Variants in ABCC9 observed in about 807,000 individuals in gnomAD.
ABCC9 encodes the protein ATP binding cassette subfamily C member 9, also known as ATP-binding cassette sub-family C member 9.
Under a neutral mutation model 188.3 loss-of-function variants are expected in ABCC9, and 95 were observed. The ratio of observed to expected loss-of-function variants is 0.50; its 90% confidence interval spans 0.43 to 0.60. The LOEUF (loss-of-function observed/expected upper bound fraction) is 0.60. Ranked by LOEUF, ABCC9 falls within the 20% of genes least tolerant of loss-of-function variation. ABCC9 has a pLI of 0.00. For missense variants in ABCC9, 1,102 were observed against 1,876.3 expected, an observed-to-expected ratio of 0.59 and a Z score of 7.62; for synonymous variants, 659 against 652.7, an observed-to-expected ratio of 1.01 and a Z score of -0.15.
At chr12:21,892,026 A>G (rs970500997) in intron 14 of ABCC9, among the ~76,000 whole-genome samples, 1 of 152,190 alleles carries the variant, frequency 6.6e-6, no homozygotes, top group Non-Finnish European at 1.5e-5. Flanking sequence ...ACTGAAACTC[A>G]TTTGAGAGAA....
intron 14 of ABCC9, among the ~76,000 whole-genome samples, chr12:21,891,500 A>C (rs1947158449): frequency 2.0e-5 from 3 of 152,174 alleles, no homozygotes; most frequent in Non-Finnish European, 2.9e-5. Context: ...CACCTGCCTC[A>C]TTCTTCCATT....
chr12:21,859,722 G>A, intron 21 of ABCC9, 56 bp from the exon 22 acceptor site: 3 of 1,423,182 alleles, frequency 2.1e-6, no homozygotes, highest in Non-Finnish European at 3.0e-6. Flanking sequence ...ATGATCTTTT[G>A]GTAATATGAC....
At chr12:21,805,238 G>A (rs1161427999) in intron 39 of ABCC9, 8 of 1,613,948 alleles carry the variant, frequency 5.0e-6, no homozygotes, top group Non-Finnish European at 6.8e-6. Flanking sequence ...ATTTGGGACA[G>A]TATCACACTC....
At position 21,894,130 on chromosome 12, in the gene ABCC9, A is replaced by G. The variant is rs1317064787; in HGVS notation, c.1704T>C (p.Pro568=). 5.0e-6 allele frequency: 8 copies of G among 1,614,020 alleles called. No individual in the cohort carries two copies. The highest frequency in any genetic ancestry group is 6.8e-6 in the Non-Finnish European group (8 of 1,180,018). Residue 568 remains proline, a synonymous_variant, in exon 14 of 40, where the codon CCT becomes CCC. Coordinates refer to ENST00000261200, the MANE Select transcript of ABCC9 (RefSeq NM_020297.4). ...GAGACAGTGAAGCAAAGGCCTCTGC[A>G]GGTTTCAGATTGTTTCCACTGGCAT... is the stretch of plus-strand genomic sequence containing the variant. ...HAYASGNNLK[P]AEAFASLSLF...
At chr12:21,805,880 G>T in intron 39 of ABCC9, 118 bp downstream of exon 39, 1 of 1,021,332 alleles carries the variant, frequency 9.8e-7, no homozygotes, top group Non-Finnish European at 1.5e-6. Flanking sequence ...CACAGATACA[G>T]AAACATTAGC....
Position 21,913,008 on chromosome 12 carries a change from G to GCT in ABCC9, c.873_874dup (p.Ala292GlufsTer31), listed in dbSNP as rs1948391239. 1 of 1,612,336 alleles carries GCT rather than the reference G, an allele frequency of 6.2e-7. No homozygotes were observed. Among genetic ancestry groups the GCT allele is most frequent in the Non-Finnish European group, 8.5e-7 (1 of 1,179,518 alleles). ...ACTAAGTAGAATTGGTCGCCCAAAA[G>GCT]CTCTGTACATTGCAAGCCATATAGA... On this transcript the variant is annotated frameshift_variant, in exon 8 of 40. Coordinates refer to ENST00000261200, the MANE Select transcript of ABCC9 (RefSeq NM_020297.4). LOFTEE classifies it high-confidence loss of function.
At chr12:21,912,230 A>G (rs1948357272) in intron 8 of ABCC9, among the ~76,000 whole-genome samples, 1 of 152,080 alleles carries the variant, frequency 6.6e-6, no homozygotes, top group South Asian at 2.1e-4. Flanking sequence ...GATAGTTTCT[A>G]TATGTAGAAC....
chr12:21,917,280 T>C (rs1948636442), intron 5 of ABCC9, among the ~76,000 whole-genome samples, 177 bp from the exon 6 acceptor site: 1 of 152,126 alleles, frequency 6.6e-6, no homozygotes, highest in African/African-American at 2.4e-5. Context: ...GAGTTTTGAG[T>C]TGAAGGAGTA....
At chr12:21,871,360 G>A (rs965632515) in intron 18 of ABCC9, among the ~76,000 whole-genome samples, 6 of 152,182 alleles carry the variant, frequency 3.9e-5, no homozygotes, top group Non-Finnish European at 5.9e-5. Context: ...GCGCTAAACA[G>A]TTGCAAGGCT....
chr12:21,857,817 A>G (rs1945301950), intron 22 of ABCC9, among the ~76,000 whole-genome samples: 1 of 152,198 alleles, frequency 6.6e-6, no homozygotes, highest in South Asian at 2.1e-4. Context: ...CCAGAAGGGA[A>G]CACAGCCCTG....
intron 31 of ABCC9, among the ~76,000 whole-genome samples, chr12:21,821,447 T>TG (rs761738984): frequency 2.0e-5 from 3 of 152,002 alleles, no homozygotes; most frequent in African/African-American, 7.2e-5. Flanking sequence ...ATTTTAATTG[T>TG]GGGAAAAAAA....
At chr12:21,885,673 A>G (rs1309979366) in intron 15 of ABCC9, among the ~76,000 whole-genome samples, 1 of 152,176 alleles carries the variant, frequency 6.6e-6, no homozygotes, top group East Asian at 1.9e-4. Context: ...TCCCCACACT[A>G]ACAAACAAGC....
At chr12:21,889,380 C>G (rs890793687) in intron 14 of ABCC9, among the ~76,000 whole-genome samples, 1 of 152,160 alleles carries the variant, frequency 6.6e-6, no homozygotes, top group African/African-American at 2.4e-5. Context: ...ATTTCTTCTT[C>G]ACTTTTACAG....
At chr12:21,853,616 A>G (rs997587323) in intron 22 of ABCC9, among the ~76,000 whole-genome samples, 10 of 152,166 alleles carry the variant, frequency 6.6e-5, no homozygotes, top group African/African-American at 1.9e-4. Context: ...TGATATCACT[A>G]TAAATTATTT....
At chr12:21,920,172 T>C (rs1227219173) in intron 5 of ABCC9, among the ~76,000 whole-genome samples, 1 of 151,966 alleles carries the variant, frequency 6.6e-6, no homozygotes, top group Non-Finnish European at 1.5e-5. Flanking sequence ...TCCCCTAAAA[T>C]CAGGAACCAG....
At chr12:21,844,696 T>C in intron 27 of ABCC9, 71 bp downstream of exon 27, 1 of 1,598,394 alleles carries the variant, frequency 6.3e-7, no homozygotes, top group Non-Finnish European at 8.6e-7. Context: ...AACTTTCACA[T>C]TCCACTTAAA....
At chr12:21,852,309 T>C in intron 23 of ABCC9, 59 bp downstream of exon 23, 1 of 1,612,818 alleles carries the variant, frequency 6.2e-7, no homozygotes, top group Non-Finnish European at 8.5e-7. Context: ...CATTTTTTAC[T>C]GTCTCTATTT....
intron 4 of ABCC9, among the ~76,000 whole-genome samples, chr12:21,927,875 G>T (rs1014626150): frequency 2.2e-4 from 33 of 152,100 alleles, no homozygotes; most frequent in Admixed American, 9.2e-4. Flanking sequence ...TAACTATTTT[G>T]TCAGTACAGA....
At chr12:21,893,788 G>T in intron 14 of ABCC9, among the ~76,000 whole-genome samples, 1 of 151,448 alleles carries the variant, frequency 6.6e-6, no homozygotes, top group South Asian at 2.1e-4. Context: ...TTAAATGAAG[G>T]GAGAATAATA....
Sources: gnomAD v4.1 joint callset for allele counts (sites outside exome capture counted in the v4.1 genomes callset) on GRCh38, gnomAD v4.1.1 for gene constraint, MANE v1.5 for transcripts, NCBI Gene and HGNC (gene_info 2026-07-23, HGNC 2026-07-21) for gene names.